Variants in SLC35F4 observed in about 807,000 individuals in gnomAD.
SLC35F4 encodes the protein solute carrier family 35 member F4, also known as chromosome 14 open reading frame 36.
In SLC35F4, 24 loss-of-function variants were observed where a neutral mutation model predicts 44.2. The observed-to-expected ratio is 0.54, with a 90% CI of 0.39 to 0.76. The LOEUF (loss-of-function observed/expected upper bound fraction) is 0.76, where lower values mean the gene tolerates loss of function less well. Among genes scored for constraint, SLC35F4 ranks in the 30% least tolerant of loss-of-function variants. The probability of loss-of-function intolerance (pLI) is 0.00; values close to 1 mark genes in which losing one functional copy is unlikely to be tolerated. For missense variants in SLC35F4, 562 were observed against 586.1 expected, an observed-to-expected ratio of 0.96 and a Z score of 0.42; for synonymous variants, 238 against 223.6, an observed-to-expected ratio of 1.06 and a Z score of -0.57.
intron 1 of SLC35F4, among the ~76,000 whole-genome samples, chr14:57,704,669 T>C (rs1171986291): frequency 6.6e-6 from 1 of 152,078 alleles, no homozygotes; most frequent in Non-Finnish European, 1.5e-5. Flanking sequence ...TGAGATATAA[T>C]GACTAGATCA....
intron 1 of SLC35F4, among the ~76,000 whole-genome samples, chr14:57,890,064 T>C (rs1012602939): frequency 3.3e-5 from 5 of 152,208 alleles, no homozygotes; most frequent in African/African-American, 1.2e-4. Context: ...CCCACTGATA[T>C]TGGACTTCAA....
At chr14:57,599,814 A>C (rs1008443662) in intron 1 of SLC35F4, among the ~76,000 whole-genome samples, 1 of 151,506 alleles carries the variant, frequency 6.6e-6, no homozygotes, top group African/African-American at 2.4e-5. Flanking sequence ...AAAAAAAAAA[A>C]AAAAACAACA....
intron 1 of SLC35F4, among the ~76,000 whole-genome samples, chr14:57,668,098 T>C (rs1248227699): frequency 6.6e-6 from 1 of 150,550 alleles, no homozygotes; most frequent in East Asian, 1.9e-4. Context: ...TGATGAGCAT[T>C]TTTTCATGTG....
intron 1 of SLC35F4, among the ~76,000 whole-genome samples, chr14:57,956,351 A>G (rs1594651978): frequency 6.6e-6 from 1 of 152,364 alleles, no homozygotes; most frequent in South Asian, 2.1e-4. Context: ...AAGAAAACCT[A>G]GGCAATACCA....
Position 57,854,358 on chromosome 14 carries a change from A to T in SLC35F4, c.103+11365T>A, listed in dbSNP as rs141402636. Among the ~76,000 whole-genome samples the T allele has an allele frequency of 7.2e-3, 1,094 of 152,324 alleles. 9 individuals carry two copies. The highest frequency in any genetic ancestry group is 0.012 in the Non-Finnish European group (837 of 68,030). On this transcript the variant is annotated intron_variant, in intron 1 of 7. Transcript: ENST00000556826. ...ATAACTCCAAAGACTATGTAGAAAC[A>T]TGTAAATACGTTTGTAACATAATGA... is the stretch of plus-strand genomic sequence containing the variant.
At chr14:57,586,933 C>CAAAG (rs2069784189) in intron 3 of SLC35F4, among the ~76,000 whole-genome samples, 1 of 89,224 alleles carries the variant, frequency 1.1e-5, no homozygotes, top group African/African-American at 4.2e-5. Context: ...CCAGAATCTA[C>CAAAG]AAAGAACTTA....
intron 1 of SLC35F4, among the ~76,000 whole-genome samples, chr14:57,946,002 G>A (rs1018632812): frequency 6.6e-6 from 1 of 152,142 alleles, no homozygotes; most frequent in East Asian, 1.9e-4. Context: ...TTGTTTGAGT[G>A]CCTTGTAGAC....
chr14:57,718,052 C>T (rs1455234825), intron 1 of SLC35F4, among the ~76,000 whole-genome samples: 1 of 152,174 alleles, frequency 6.6e-6, no homozygotes, highest in African/African-American at 2.4e-5. Flanking sequence ...CTGGTAACCA[C>T]CCTTTATTCT....
chr14:57,643,832 T>C lies in SLC35F4; in HGVS notation c.104-49708A>G, dbSNP rs2073362725. Reference sequence around the variant, plus strand: ...CCTTCCTGTGTCCATGTGTTCTCATTGTTCAATTCCCACCTATGAGTGAGA... The same window carrying C: ...CCTTCCTGTGTCCATGTGTTCTCATCGTTCAATTCCCACCTATGAGTGAGA... On this transcript the variant is annotated intron_variant, in intron 1 of 7. Transcript: ENST00000556826. Among the ~76,000 whole-genome samples, 5 of 152,230 alleles carry C rather than the reference T, an allele frequency of 3.3e-5. No homozygotes were observed. The South Asian group carries it at 1.0e-3, about 32-fold the overall frequency.
At chr14:57,865,067 C>G (rs1366060579) in intron 1 of SLC35F4, among the ~76,000 whole-genome samples, 1 of 150,820 alleles carries the variant, frequency 6.6e-6, no homozygotes, top group Admixed American at 6.6e-5. Context: ...GACCCCCCCC[C>G]CCCACGCCCC....
chr14:57,706,563 C>T (rs950834395), intron 1 of SLC35F4, among the ~76,000 whole-genome samples: 2 of 152,110 alleles, frequency 1.3e-5, no homozygotes, highest in Admixed American at 6.6e-5. Context: ...AATTCAGATG[C>T]TATTTGAGCA....
chr14:57,564,632 C>T (rs28543374), intron 7 of SLC35F4, among the ~76,000 whole-genome samples: 4,296 of 152,278 alleles, frequency 0.028, 181 homozygotes, highest in African/African-American at 0.098. Flanking sequence ...TACTTTTCCT[C>T]TTTACCCCTT....
At chr14:57,807,900 T>C (rs1566871431) in intron 1 of SLC35F4, among the ~76,000 whole-genome samples, 1 of 151,798 alleles carries the variant, frequency 6.6e-6, no homozygotes, top group Non-Finnish European at 1.5e-5. Flanking sequence ...CTCACAATCA[T>C]GGTGGGAGGC....
At chr14:57,803,537 A>G (rs942943074) in intron 1 of SLC35F4, among the ~76,000 whole-genome samples, 1 of 149,096 alleles carries the variant, frequency 6.7e-6, no homozygotes, top group African/African-American at 2.5e-5. Flanking sequence ...AGATGACATG[A>G]TCCTATATCT....
intron 1 of SLC35F4, among the ~76,000 whole-genome samples, chr14:57,714,901 T>C (rs1242527963): frequency 1.3e-5 from 2 of 152,174 alleles, no homozygotes; most frequent in Admixed American, 6.5e-5. Context: ...AGTAAATTTG[T>C]AGTGAAATGC....
At chr14:57,918,908 AC>A (rs1439877858) in intron 1 of SLC35F4, among the ~76,000 whole-genome samples, 3 of 152,340 alleles carry the variant, frequency 2.0e-5, no homozygotes, top group Non-Finnish European at 2.9e-5. Flanking sequence ...GCATAGTGTG[AC>A]AGAAACTGCT....
chr14:57,801,095 A>C (rs2078182376), intron 1 of SLC35F4, among the ~76,000 whole-genome samples: 1 of 152,180 alleles, frequency 6.6e-6, no homozygotes, highest in Non-Finnish European at 1.5e-5. Context: ...AAATGAAAGG[A>C]AAAATATTAA....
At chr14:57,628,075 A>G (rs1566702746) in intron 1 of SLC35F4, among the ~76,000 whole-genome samples, 1 of 152,020 alleles carries the variant, frequency 6.6e-6, no homozygotes, top group Non-Finnish European at 1.5e-5. Flanking sequence ...TTCTTTCTTT[A>G]TATCATTTCC....
chr14:57,956,556 A>C (rs1479285550), intron 1 of SLC35F4, among the ~76,000 whole-genome samples: 3 of 152,226 alleles, frequency 2.0e-5, no homozygotes, highest in Non-Finnish European at 4.4e-5. Context: ...CAAAGGGCTA[A>C]TATCCAGAAT....
Sources: allele counts gnomAD v4.1 joint callset (sites outside exome capture counted in the v4.1 genomes callset), GRCh38; gene constraint gnomAD v4.1.1; transcripts MANE v1.5; gene names NCBI Gene and HGNC (gene_info 2026-07-23, HGNC 2026-07-21).